The following EXOC4 variants were observed in gnomAD, a reference collection of about 807,000 sequenced individuals.
EXOC4 encodes SEC8-like 1.
EXOC4 carries 71 observed loss-of-function variants against 107.2 expected under a neutral mutation model. The ratio of observed to expected loss-of-function variants is 0.66; its 90% CI spans 0.55 to 0.81. The LOEUF (loss-of-function observed/expected upper bound fraction) is 0.81, where lower values mean the gene tolerates loss of function less well. EXOC4 is among the 30% of genes least tolerant of loss of function. The pLI is 0.00. For synonymous variants in EXOC4, 456 were observed against 441.2 expected (o/e 1.03, Z -0.42); for missense variants, 1,108 against 1,189.6 (o/e 0.93, Z 1.01).
intron 7 of EXOC4, among the ~76,000 whole-genome samples, chr7:133,401,525 G>A (rs1323916957): frequency 6.6e-6 from 1 of 151,876 alleles, no homozygotes. Context: ...AGCTGGGTGT[G>A]GTTGCATGGG....
At chr7:133,597,177 A>G (rs1585021954) in intron 9 of EXOC4, among the ~76,000 whole-genome samples, 1 of 152,338 alleles carries the variant, frequency 6.6e-6, no homozygotes, top group South Asian at 2.1e-4. Flanking sequence ...AGACCTAAAC[A>G]ACGGCCTCTA....
intron 1 of EXOC4, among the ~76,000 whole-genome samples, chr7:133,267,317 T>G (rs1342105834): frequency 6.6e-6 from 1 of 152,168 alleles, no homozygotes; most frequent in Non-Finnish European, 1.5e-5. Flanking sequence ...AGTTTTCTCC[T>G]TGATTCATTT....
chr7:133,956,702 C>G (rs1266323970), intron 14 of EXOC4, among the ~76,000 whole-genome samples: 2 of 152,128 alleles, frequency 1.3e-5, no homozygotes, highest in African/African-American at 4.8e-5. Context: ...ATAGCTAAGG[C>G]CCAGATTCTG....
At chr7:134,057,550 A>G (rs1349088177) in intron 17 of EXOC4, among the ~76,000 whole-genome samples, 1 of 152,208 alleles carries the variant, frequency 6.6e-6, no homozygotes, top group Non-Finnish European at 1.5e-5. Flanking sequence ...TCGAAGGGGA[A>G]TACAAATAAG....
chr7:133,638,253 G>C (rs905941939), intron 10 of EXOC4, among the ~76,000 whole-genome samples: 3 of 152,148 alleles, frequency 2.0e-5, no homozygotes, highest in Non-Finnish European at 4.4e-5. Flanking sequence ...AAATAGGAAA[G>C]CTTTTCTTGG....
At chr7:133,648,734 C>T (rs990884972) in intron 10 of EXOC4, among the ~76,000 whole-genome samples, 29 of 152,082 alleles carry the variant, frequency 1.9e-4, no homozygotes, top group African/African-American at 7.0e-4. Flanking sequence ...GATTCAGAAA[C>T]GTCATTAATT....
intron 9 of EXOC4, among the ~76,000 whole-genome samples, chr7:133,625,389 A>G (rs1485730334): frequency 6.6e-6 from 1 of 152,240 alleles, no homozygotes; most frequent in Non-Finnish European, 1.5e-5. Context: ...AAATAATTTT[A>G]TCACACTTAT....
At chr7:133,989,722 G>C (rs1026471937) in intron 14 of EXOC4, among the ~76,000 whole-genome samples, 1 of 152,176 alleles carries the variant, frequency 6.6e-6, no homozygotes, top group African/African-American at 2.4e-5. Context: ...AAAAAGGTGA[G>C]GGCAGAGTCA....
chr7:133,343,607 T>C (rs1230579400), intron 5 of EXOC4, among the ~76,000 whole-genome samples: 4 of 152,026 alleles, frequency 2.6e-5, no homozygotes, highest in Admixed American at 2.0e-4. Flanking sequence ...TTTTTTTTTT[T>C]TCTGAGTTTC....
chr7:133,581,152 T>C (rs1801259481), intron 9 of EXOC4, among the ~76,000 whole-genome samples: 2 of 152,186 alleles, frequency 1.3e-5, no homozygotes, highest in South Asian at 4.1e-4. Context: ...ACCCCCCAAC[T>C]GTTCTCTGAT....
At chr7:134,089,689 C>T in the EXOC4 span, among the ~76,000 whole-genome samples, 5,224 of 152,232 alleles carry the variant, frequency 0.034, 282 homozygotes, top group African/African-American at 0.11. Context: ...AGACTATCTA[C>T]GACATACTTT....
chr7:133,743,662 C>CT (rs984467321), intron 10 of EXOC4, among the ~76,000 whole-genome samples: 5 of 152,072 alleles, frequency 3.3e-5, no homozygotes, highest in Non-Finnish European at 7.4e-5. Flanking sequence ...AAAACCCCCC[C>CT]ATGGTTGCCA....
chr7:133,810,596 C>CTATTTTAT (rs1797201072), intron 10 of EXOC4, among the ~76,000 whole-genome samples: 1 of 103,862 alleles, frequency 9.6e-6, no homozygotes, highest in African/African-American at 3.4e-5. Flanking sequence ...CCATGCTTTG[C>CTATTTTAT]TTTATTTTAT....
chr7:133,932,211 C>T (rs567594438), intron 13 of EXOC4, among the ~76,000 whole-genome samples: 2 of 152,274 alleles, frequency 1.3e-5, no homozygotes, highest in East Asian at 1.9e-4. Flanking sequence ...AACTTCTTAT[C>T]GTACATGTTA....
intron 2 of EXOC4, among the ~76,000 whole-genome samples, chr7:133,276,118 T>A (rs1793985060): frequency 6.6e-6 from 1 of 152,130 alleles, no homozygotes; most frequent in African/African-American, 2.4e-5. Flanking sequence ...TTCCCCCACG[T>A]TCTTTCTCCC....
At chr7:133,482,439 G>C (rs1021932724) in intron 9 of EXOC4, among the ~76,000 whole-genome samples, 14 of 152,294 alleles carry the variant, frequency 9.2e-5, no homozygotes, top group African/African-American at 2.9e-4. Context: ...CACAGGACTA[G>C]TGGCAGATTC....
At chr7:133,854,516 C>T (rs1168328194) in intron 11 of EXOC4, among the ~76,000 whole-genome samples, 1 of 151,874 alleles carries the variant, frequency 6.6e-6, no homozygotes, top group Non-Finnish European at 1.5e-5. Flanking sequence ...AGGCAGCTTA[C>T]ATCAGATCTG....
intron 7 of EXOC4, among the ~76,000 whole-genome samples, chr7:133,426,657 A>G (rs931213600): frequency 6.6e-5 from 10 of 152,234 alleles, no homozygotes; most frequent in South Asian, 2.1e-4. Context: ...GCCAAGGGCA[A>G]TTTTAAAGAC....
In EXOC4 at chr7:133,939,005, C is replaced by T. The variant is rs1158466673; in HGVS notation, c.2206+936C>T. Among the ~76,000 whole-genome samples the T allele has an allele frequency of 2.6e-5, 4 of 152,158 alleles. No individual in the cohort carries two copies. The East Asian group carries it at 7.7e-4, about 29-fold the overall frequency. On this transcript the variant is annotated intron_variant, in intron 14 of 17. Transcript: ENST00000253861. ...GCTCAAGCGATCCACCTGCCTCGGCCTCCCAAAGTGCTGGGATTACAGGCG... is the reference window on the plus strand; with the variant it reads ...GCTCAAGCGATCCACCTGCCTCGGCTTCCCAAAGTGCTGGGATTACAGGCG...
Sources: allele counts gnomAD v4.1 joint callset (sites outside exome capture counted in the v4.1 genomes callset), GRCh38; gene constraint gnomAD v4.1.1; transcripts MANE v1.5; gene names NCBI Gene and HGNC (gene_info 2026-07-23, HGNC 2026-07-21).